The following NIBAN3 variants were observed in gnomAD, a reference collection of about 807,000 sequenced individuals.
The protein encoded by NIBAN3 is protein Niban 3.
NIBAN3 carries 66 observed loss-of-function variants against 76.4 expected under a neutral mutation model. That is an observed-to-expected ratio of 0.86 (90% confidence interval 0.71 to 1.06). NIBAN3 has a LOEUF of 1.06. Among genes scored for constraint, NIBAN3 ranks in the 50% least tolerant of loss-of-function variants. The pLI, the probability that NIBAN3 is intolerant of heterozygous loss-of-function variation, is 0.00. For synonymous variants in NIBAN3, 360 were observed against 355.2 expected, an observed-to-expected ratio of 1.01 and a Z score of -0.15; for missense variants, 808 against 810.7, an observed-to-expected ratio of 1.00 and a Z score of 0.04.
chr19:17,530,703 G>T (rs1025086433), intron 1 of NIBAN3, 52 bp from the exon 2 acceptor site: 11 of 1,538,528 alleles, frequency 7.1e-6, no homozygotes, highest in Non-Finnish European at 8.8e-6. Flanking sequence ...CCCCAAGCAG[G>T]TCTCCTGGGC....
intron 1 of NIBAN3, among the ~76,000 whole-genome samples, chr19:17,529,800 C>G (rs1201678111): frequency 6.6e-6 from 1 of 152,186 alleles, no homozygotes; most frequent in Admixed American, 6.6e-5. Context: ...GTGGCTCAAT[C>G]TGTATTCCCA....
chr19:17,526,424 C>G (rs897151244), upstream of NIBAN3, among the ~76,000 whole-genome samples: 6 of 152,136 alleles, frequency 3.9e-5, 1 homozygote, highest in East Asian at 9.7e-4. Flanking sequence ...GGGCGGATCA[C>G]TTGAGTCCAG....
At chr19:17,535,961 C>T (rs2075817801) in intron 4 of NIBAN3, among the ~76,000 whole-genome samples, 2 of 152,012 alleles carry the variant, frequency 1.3e-5, no homozygotes, top group South Asian at 4.2e-4. Context: ...AAAACTTAGC[C>T]ACTGAAAGTG....
intron 8 of NIBAN3, 25 bp from the exon 9 acceptor site, chr19:17,540,367 C>T (rs960209219): frequency 6.9e-7 from 1 of 1,441,196 alleles, no homozygotes; most frequent in African/African-American, 1.5e-5. Flanking sequence ...GGAGGGGACT[C>T]CAGACCAGTG....
chr19:17,525,252 C>G (rs1209830560), upstream of NIBAN3, among the ~76,000 whole-genome samples: 1 of 152,210 alleles, frequency 6.6e-6, no homozygotes, highest in Non-Finnish European at 1.5e-5. Flanking sequence ...ACACTCCCCT[C>G]ATCAGAAAAC....
intron 14 of NIBAN3, among the ~76,000 whole-genome samples, chr19:17,550,162 C>T (rs1029961064): frequency 6.6e-6 from 1 of 152,116 alleles, no homozygotes; most frequent in Non-Finnish European, 1.5e-5. Context: ...GGGCATCTCC[C>T]AATGGCTACT....
intron 4 of NIBAN3, among the ~76,000 whole-genome samples, chr19:17,536,894 T>C (rs1191956758): frequency 6.6e-6 from 1 of 152,106 alleles, no homozygotes; most frequent in Non-Finnish European, 1.5e-5. Flanking sequence ...CCTAGTACTT[T>C]GGGAGGCTGA....
At chr19:17,554,920 A>G (rs559834258), downstream of NIBAN3, among the ~76,000 whole-genome samples, 2 of 142,450 alleles carry the variant, frequency 1.4e-5, no homozygotes, top group East Asian at 4.0e-4. Context: ...ACAAAGCCAG[A>G]CTCCGTCTCA....
At chr19:17,538,683 AGAAAG>A (rs1417488661) in intron 5 of NIBAN3, among the ~76,000 whole-genome samples, 1 of 127,482 alleles carries the variant, frequency 7.8e-6, no homozygotes, top group Non-Finnish European at 1.8e-5. Context: ...AGAAGGAAAA[AGAAAG>A]GAAAGAAAAA....
upstream of NIBAN3, chr19:17,527,264 T>C: frequency 2.6e-6 from 4 of 1,550,244 alleles, no homozygotes; most frequent in East Asian, 2.4e-5. Context: ...TCACCCGCCA[T>C]CCAGGTGCCC....
Position 17,542,124 on chromosome 19 carries a change from C to T in NIBAN3, c.1171-12C>T, listed in dbSNP as rs1353098082. ...CAGCATTTTTCCCCCAAAACTGCTT[C>T]CGGGAGCACAGGTTTACTCATTTGG... On this transcript the variant is annotated splice_polypyrimidine_tract_variant and intron_variant, in intron 9 of 14. Coordinates refer to ENST00000599164, the MANE Select transcript of NIBAN3 (RefSeq NM_001321827.2). This position sits in a 1 kb window ranked among gnomAD's most constrained non-coding sequence, Gnocchi z 4.8. 2.5e-6 allele frequency: 4 copies of T among 1,614,146 alleles called. 1 individual carries two copies. The Admixed American group carries it at 5.0e-5, about 20-fold the overall frequency.
At position 17,540,389 on chromosome 19, in the gene NIBAN3, C is replaced by T. The variant is rs1485128844; in HGVS notation, c.980-3C>T. On this transcript the variant is annotated splice_polypyrimidine_tract_variant and splice_region_variant and intron_variant, in intron 8 of 14. Transcript: ENST00000599164. Reference sequence around the variant, plus strand: ...ACTCCAGACCAGTGTCTTCCACTCCCAGCGGATATCAGGGGACCGCTCGAG... The same window carrying T: ...ACTCCAGACCAGTGTCTTCCACTCCTAGCGGATATCAGGGGACCGCTCGAG... 1.4e-6 allele frequency: 2 copies of T among 1,481,074 alleles called. No homozygotes were observed. Among genetic ancestry groups the T allele is most frequent in the Non-Finnish European group, 1.8e-6 (2 of 1,111,160 alleles). The allele number at this position is 1,481,074 out of a possible 1,614,324, so 91.7% of individuals were successfully genotyped here.
chr19:17,549,402 C>A, intron 13 of NIBAN3, 42 bp from the exon 14 acceptor site: 1 of 1,423,964 alleles, frequency 7.0e-7, no homozygotes, highest in Non-Finnish European at 9.8e-7. Context: ...CCCTTGATGC[C>A]TGGGCTTCCC....
chr19:17,523,452 G>T (rs777121566), upstream of NIBAN3: 4 of 1,564,194 alleles, frequency 2.6e-6, no homozygotes, highest in Non-Finnish European at 2.6e-6. Flanking sequence ...GGGCCTGACC[G>T]GAAGGAGGTT....
intron 14 of NIBAN3, among the ~76,000 whole-genome samples, chr19:17,551,088 TTTTA>T (rs549714945): frequency 2.0e-5 from 3 of 151,766 alleles, no homozygotes; most frequent in African/African-American, 7.3e-5. Context: ...TTCTTTTTCT[TTTTA>T]TTTATTTATT....
intron 12 of NIBAN3, among the ~76,000 whole-genome samples, chr19:17,544,260 C>T (rs1030070689): frequency 6.6e-6 from 1 of 152,154 alleles, no homozygotes; most frequent in Admixed American, 6.5e-5. Flanking sequence ...CGCACCACTG[C>T]ACTCCAGCCT....
downstream of NIBAN3, among the ~76,000 whole-genome samples, chr19:17,555,396 C>G (rs943443381): frequency 1.3e-5 from 2 of 152,172 alleles, no homozygotes; most frequent in Non-Finnish European, 1.5e-5. Flanking sequence ...GCGCATCTGG[C>G]GGAGGTCTCA....
In NIBAN3 at chr19:17,533,592, T is replaced by A. The variant is rs1394246496; in HGVS notation, c.318T>A (p.Tyr106Ter). Residue 106 changes from tyrosine to a stop codon, truncating the protein, a stop_gained, in exon 4 of 15, where the codon TAT (tyrosine) becomes TAA (stop). Transcript: ENST00000599164. LOFTEE classifies it high-confidence loss of function. The stretch of plus-strand genomic sequence containing the variant: ...TCTCTGGGTACCTTTTGTAGGAATA[T>A]GAAAACGGGGGCCACTGCCTTGGCT... ...RLEWFSHKEEYENGGHCLGST... is the reference protein window; with the variant it reads ...RLEWFSHKEE The A allele has an allele frequency of 6.2e-7, 1 of 1,613,474 alleles. No homozygotes were observed. Among genetic ancestry groups the A allele is most frequent in the Non-Finnish European group, 8.5e-7 (1 of 1,179,454 alleles).
chr19:17,550,848 T>TG (rs1429514786), intron 14 of NIBAN3, among the ~76,000 whole-genome samples: 2 of 134,594 alleles, frequency 1.5e-5, no homozygotes, highest in Admixed American at 1.5e-4. Flanking sequence ...ACATACTTTT[T>TG]TTTTTTTTTT....
Sources: gnomAD v4.1 joint callset for allele counts (sites outside exome capture counted in the v4.1 genomes callset) on GRCh38, gnomAD v4.1.1 for gene constraint, Gnocchi (gnomAD v3.1) non-coding constraint, MANE v1.5 for transcripts, NCBI Gene and HGNC (gene_info 2026-07-23, HGNC 2026-07-21) for gene names.